The following LDLRAD4 variants were observed in gnomAD, a reference collection of about 807,000 sequenced individuals.
The protein encoded by LDLRAD4 is low-density lipoprotein receptor class A domain-containing protein 4.
A neutral mutation model predicts 17.0 loss-of-function variants in LDLRAD4; 5 were observed. The ratio of observed to expected loss-of-function variants is 0.29; its 90% CI spans 0.15 to 0.62. The LOEUF (loss-of-function observed/expected upper bound fraction) is 0.62, where lower values mean the gene tolerates loss of function less well. Among genes scored for constraint, LDLRAD4 ranks in the 20% least tolerant of loss-of-function variants. LDLRAD4 has a pLI of 0.84. For synonymous variants in LDLRAD4, 168 were observed against 171.8 expected, an observed-to-expected ratio of 0.98 and a Z score of 0.17; for missense variants, 340 against 424.7, an observed-to-expected ratio of 0.80 and a Z score of 1.75.
At chr18:13,243,954 T>C (rs1598864087) in intron 1 of LDLRAD4, among the ~76,000 whole-genome samples, 1 of 88,942 alleles carries the variant, frequency 1.1e-5, no homozygotes, top group African/African-American at 4.5e-5. Context: ...CACCCACCCA[T>C]CCATCCATTC....
chr18:13,308,586 G>C (rs530332873), intron 1 of LDLRAD4, among the ~76,000 whole-genome samples: 2 of 152,296 alleles, frequency 1.3e-5, no homozygotes, highest in Non-Finnish European at 2.9e-5. Flanking sequence ...TGGTAGACTG[G>C]GTCACCACAG....
chr18:13,425,045 A>G (rs986534452), intron 2 of LDLRAD4, among the ~76,000 whole-genome samples: 47 of 152,246 alleles, frequency 3.1e-4, no homozygotes, highest in African/African-American at 1.1e-3. Flanking sequence ...TTGAGACTGT[A>G]TTACATGCCA....
At chr18:13,229,584 C>A (rs1241333995) in intron 1 of LDLRAD4, among the ~76,000 whole-genome samples, 1 of 152,126 alleles carries the variant, frequency 6.6e-6, no homozygotes, top group East Asian at 1.9e-4. Flanking sequence ...AAGCAATTAG[C>A]AAGTGAGAGT....
At chr18:13,280,474 G>A (rs1188201604) in intron 1 of LDLRAD4, among the ~76,000 whole-genome samples, 1 of 152,194 alleles carries the variant, frequency 6.6e-6, no homozygotes, top group Non-Finnish European at 1.5e-5. Context: ...TGTGTGCTGG[G>A]GGGATTGGAG....
intron 3 of LDLRAD4, among the ~76,000 whole-genome samples, chr18:13,529,611 A>G (rs1828450299): frequency 6.6e-6 from 1 of 152,232 alleles, no homozygotes; most frequent in Admixed American, 6.5e-5. Flanking sequence ...TGGTTTTCAT[A>G]GTCATGTGGA....
chr18:13,419,891 A>G (rs1389931952), intron 2 of LDLRAD4: 1 of 152,080 alleles, frequency 6.6e-6, no homozygotes, highest in African/African-American at 2.4e-5. Context: ...AGCCTGGTGG[A>G]CCTCCCGGAA....
intron 1 of LDLRAD4, among the ~76,000 whole-genome samples, chr18:13,378,493 A>T (rs2085095790): frequency 6.6e-6 from 1 of 152,236 alleles, no homozygotes; most frequent in Non-Finnish European, 1.5e-5. Flanking sequence ...AGACGGAAGA[A>T]CAGCAGACAG....
intron 3 of LDLRAD4, among the ~76,000 whole-genome samples, chr18:13,512,794 G>A (rs540717820): frequency 1.3e-5 from 2 of 152,252 alleles, no homozygotes; most frequent in South Asian, 2.1e-4. Context: ...ACTGTCCTGG[G>A]TATTACTGGT....
At chr18:13,552,080 C>G (rs370920490) in intron 3 of LDLRAD4, among the ~76,000 whole-genome samples, 3 of 152,188 alleles carry the variant, frequency 2.0e-5, no homozygotes, top group Non-Finnish European at 2.9e-5. Flanking sequence ...AGACACCCCC[C>G]ACTAGGCCCC....
chr18:13,543,776 C>G (rs958301021), intron 3 of LDLRAD4, among the ~76,000 whole-genome samples: 7 of 152,180 alleles, frequency 4.6e-5, no homozygotes, highest in African/African-American at 1.7e-4. Flanking sequence ...TTTATCTCCT[C>G]TGTGCCCTTG....
At chr18:13,326,010 G>A (rs577436125) in intron 1 of LDLRAD4, among the ~76,000 whole-genome samples, 56 of 151,994 alleles carry the variant, frequency 3.7e-4, no homozygotes, top group African/African-American at 1.3e-3. Context: ...CTCATGATCC[G>A]CTTGCCTCGG....
chr18:13,521,147 T>C (rs1456878270), intron 3 of LDLRAD4: 1 of 152,188 alleles, frequency 6.6e-6, no homozygotes, highest in Non-Finnish European at 1.5e-5. Context: ...AGAACACATA[T>C]GTCCCATGAA....
intron 3 of LDLRAD4, among the ~76,000 whole-genome samples, chr18:13,538,714 C>T (rs572397526): frequency 4.6e-5 from 7 of 152,112 alleles, no homozygotes; most frequent in Non-Finnish European, 1.0e-4. Flanking sequence ...GGAGTACAGA[C>T]AGGGTTTCAC....
At chr18:13,507,441 A>G (rs567905208) in intron 3 of LDLRAD4, among the ~76,000 whole-genome samples, 1 of 152,250 alleles carries the variant, frequency 6.6e-6, no homozygotes, top group South Asian at 2.1e-4. Context: ...TTCCTGAGAT[A>G]CTCCACTTGG....
At chr18:13,444,276 C>T (rs905054860) in intron 3 of LDLRAD4, among the ~76,000 whole-genome samples, 31 of 152,258 alleles carry the variant, frequency 2.0e-4, no homozygotes, top group South Asian at 4.1e-4. Context: ...ACTCCCAGGT[C>T]GCATCTGGAA....
chr18:13,300,477 AT>A lies in LDLRAD4; in HGVS notation c.-383+22290del, dbSNP rs2046528801. Among the ~76,000 whole-genome samples, 1 of 152,198 alleles carries A rather than the reference AT, an allele frequency of 6.6e-6. No homozygotes were observed. The highest frequency in any genetic ancestry group is 2.4e-5 in the African/African-American group (1 of 41,452). On this transcript the variant is annotated intron_variant, in intron 1 of 5. Coordinates refer to ENST00000359446, the Ensembl canonical transcript of LDLRAD4. The surrounding 1 kb of genome is among the most constrained non-coding windows in gnomAD (Gnocchi z 4.2). ...ACTGCTGCCCCAAGGGAGGCCTGCA[AT>A]AAGGCACCCGGTGCCAGCATGGAGC...
At chr18:13,370,155 G>A (rs2084351894) in intron 1 of LDLRAD4, among the ~76,000 whole-genome samples, 1 of 152,260 alleles carries the variant, frequency 6.6e-6, no homozygotes, top group Non-Finnish European at 1.5e-5. Context: ...TATCAGGACT[G>A]TGAGTCACAG....
intron 1 of LDLRAD4, among the ~76,000 whole-genome samples, chr18:13,246,878 G>C (rs779038269): frequency 4.6e-5 from 7 of 151,986 alleles, no homozygotes; most frequent in African/African-American, 1.2e-4. Context: ...AATAACAGGA[G>C]ATCTTTGTAA....
chr18:13,547,215 T>G (rs1233486202), intron 3 of LDLRAD4, among the ~76,000 whole-genome samples: 1 of 152,130 alleles, frequency 6.6e-6, no homozygotes, highest in Non-Finnish European at 1.5e-5. Flanking sequence ...TTTACTCGAG[T>G]AGCATCCATT....
Sources: gnomAD v4.1 joint callset for allele counts (sites outside exome capture counted in the v4.1 genomes callset) on GRCh38, gnomAD v4.1.1 for gene constraint, Gnocchi (gnomAD v3.1) non-coding constraint, MANE v1.5 for transcripts, NCBI Gene and HGNC (gene_info 2026-07-23, HGNC 2026-07-21) for gene names.